The following CACNA1D variants were observed in gnomAD, a reference collection of about 807,000 sequenced individuals.
The protein encoded by CACNA1D is calcium voltage-gated channel subunit alpha1 D.
A neutral mutation model predicts 257.1 loss-of-function variants in CACNA1D; 55 were observed. The ratio of observed to expected loss-of-function variants is 0.21; its 90% CI spans 0.17 to 0.27. The LOEUF (loss-of-function observed/expected upper bound fraction) is 0.27. CACNA1D is among the 10% of genes least tolerant of loss of function. The pLI is 1.00. For synonymous variants in CACNA1D, 980 were observed against 1,014.9 expected, an observed-to-expected ratio of 0.97 and a Z score of 0.65; for missense variants, 1,876 against 2,784.0, an observed-to-expected ratio of 0.67 and a Z score of 7.34.
In CACNA1D at chr3:53,726,950, A is replaced by G. The variant is rs767446461; in HGVS notation, c.2172A>G (p.Ser724=). ...GIMAYGGPSS[S]GMIVCIYFII... ...TGGCTTACGGGGGCCCATCCTCTTCAGGAATGATCGTCTGCATCTACTTCA... is the reference window on the plus strand; with the variant it reads ...TGGCTTACGGGGGCCCATCCTCTTCGGGAATGATCGTCTGCATCTACTTCA... Residue 724 remains serine, a synonymous_variant, in exon 15 of 48, where the codon TCA becomes TCG. Transcript: ENST00000350061. 16 of 1,614,190 alleles carry G rather than the reference A, an allele frequency of 9.9e-6. No homozygotes were observed. In the South Asian group the frequency reaches 1.8e-4, roughly 18 times the overall value.
intron 9 of CACNA1D, among the ~76,000 whole-genome samples, chr3:53,707,955 A>T (rs571673013): frequency 6.6e-6 from 1 of 152,356 alleles, no homozygotes; most frequent in African/African-American, 2.4e-5. Flanking sequence ...CATACCTGAA[A>T]CTTCATCTCT....
intron 3 of CACNA1D, among the ~76,000 whole-genome samples, chr3:53,628,404 A>C (rs1487232560): frequency 6.6e-6 from 1 of 152,258 alleles, no homozygotes. Context: ...GTGTGCTTAC[A>C]TCAGTGCTGA....
intron 9 of CACNA1D, among the ~76,000 whole-genome samples, chr3:53,711,405 T>C (rs372443000): frequency 6.6e-6 from 1 of 152,234 alleles, no homozygotes; most frequent in African/African-American, 2.4e-5. Context: ...CTGGAGTAGC[T>C]GTCAGGCCCA....
chr3:53,707,089 C>T (rs887250244), intron 9 of CACNA1D, among the ~76,000 whole-genome samples: 1 of 152,056 alleles, frequency 6.6e-6, no homozygotes, highest in Admixed American at 6.6e-5. Flanking sequence ...TCTAGTTTGG[C>T]GGTGCTTGCT....
intron 22 of CACNA1D, among the ~76,000 whole-genome samples, chr3:53,743,922 C>T (rs1305849961): frequency 1.3e-5 from 2 of 152,088 alleles, no homozygotes; most frequent in African/African-American, 4.8e-5. Flanking sequence ...TCCTTCTCGC[C>T]TGCCACTGAG....
At chr3:53,735,810 C>T (rs2095051574) in intron 20 of CACNA1D, among the ~76,000 whole-genome samples, 1 of 152,330 alleles carries the variant, frequency 6.6e-6, no homozygotes, top group Admixed American at 6.5e-5. Context: ...CCTCCTTTCC[C>T]TCCCTGCTCA....
chr3:53,656,916 C>A (rs1428646523), intron 4 of CACNA1D, among the ~76,000 whole-genome samples: 1 of 152,054 alleles, frequency 6.6e-6, no homozygotes, highest in Admixed American at 6.6e-5. Context: ...CAAGTCTTAA[C>A]CAAAATATGG....
intron 40 of CACNA1D, among the ~76,000 whole-genome samples, chr3:53,795,266 A>G (rs2095502440): frequency 1.3e-5 from 2 of 152,268 alleles, no homozygotes; most frequent in Admixed American, 1.3e-4. Context: ...ATGCTGACTT[A>G]GGAATATAAG....
intron 8 of CACNA1D, among the ~76,000 whole-genome samples, chr3:53,699,961 G>A (rs543131378): frequency 1.3e-5 from 2 of 151,696 alleles, no homozygotes; most frequent in South Asian, 2.1e-4. Flanking sequence ...TGTTAAAAAG[G>A]CATAAAATAT....
chr3:53,763,724 C>T (rs1348530778), intron 30 of CACNA1D, among the ~76,000 whole-genome samples: 1 of 152,124 alleles, frequency 6.6e-6, no homozygotes, highest in Non-Finnish European at 1.5e-5. Flanking sequence ...CCCTGTATGC[C>T]ACCTATCTGG....
intron 12 of CACNA1D, 76 bp downstream of exon 12, chr3:53,722,550 C>T (rs2094892940): frequency 7.2e-7 from 1 of 1,390,994 alleles, no homozygotes; most frequent in Non-Finnish European, 1.0e-6. Context: ...TTGGTCTTAT[C>T]TGATCGCTGC....
intron 3 of CACNA1D, among the ~76,000 whole-genome samples, chr3:53,546,445 A>C (rs556388357): frequency 1.3e-5 from 2 of 152,178 alleles, no homozygotes; most frequent in Non-Finnish European, 2.9e-5. Context: ...ATTAGTGATC[A>C]GGGTTCCGAT....
chr3:53,561,982 A>G (rs1223602483), intron 3 of CACNA1D, among the ~76,000 whole-genome samples: 2 of 152,262 alleles, frequency 1.3e-5, no homozygotes, highest in Non-Finnish European at 2.9e-5. Flanking sequence ...ATTAAAAAGC[A>G]GAGGAATGAA....
intron 3 of CACNA1D, among the ~76,000 whole-genome samples, chr3:53,540,736 A>G (rs183276883): frequency 6.6e-6 from 1 of 152,202 alleles, no homozygotes; most frequent in Non-Finnish European, 1.5e-5. Context: ...TCATGGTGGC[A>G]TGATATATGT....
intron 3 of CACNA1D, among the ~76,000 whole-genome samples, chr3:53,576,844 C>G (rs1038905625): frequency 6.6e-6 from 1 of 152,208 alleles, no homozygotes; most frequent in Non-Finnish European, 1.5e-5. Context: ...ATTTGATTCA[C>G]TAAGTAGAAT....
At chr3:53,560,452 A>G (rs2092718060) in intron 3 of CACNA1D, among the ~76,000 whole-genome samples, 1 of 152,180 alleles carries the variant, frequency 6.6e-6, no homozygotes, top group African/African-American at 2.4e-5. Context: ...TGGTTTCTTG[A>G]GATCCTAGGA....
rs545969601 is a variant in CACNA1D, at chr3:53,660,746, C to T, written c.766+471C>T. ...GACTCCTGGAAACTCTGATTAGATCCTCTACTATCAGGAACTGTGCTACCC... is the reference window on the plus strand; with the variant it reads ...GACTCCTGGAAACTCTGATTAGATCTTCTACTATCAGGAACTGTGCTACCC... On this transcript the variant is annotated intron_variant, in intron 5 of 47. Coordinates refer to ENST00000350061, the MANE Select transcript of CACNA1D (RefSeq NM_001128840.3). 1.2e-3 allele frequency among the ~76,000 whole-genome samples: 180 copies of T among 152,152 alleles called. 1 individual carries two copies. Among genetic ancestry groups the T allele is most frequent in the Middle Eastern group, 3.4e-3 (1 of 294 alleles).
intron 8 of CACNA1D, among the ~76,000 whole-genome samples, chr3:53,695,204 G>A (rs1456153542): frequency 2.6e-5 from 4 of 152,166 alleles, no homozygotes; most frequent in East Asian, 1.9e-4. Flanking sequence ...GGCTGGAGTC[G>A]CAGCAGCAGC....
intron 7 of CACNA1D, 88 bp downstream of exon 7, chr3:53,666,623 A>T: frequency 1.9e-6 from 2 of 1,073,916 alleles, no homozygotes; most frequent in East Asian, 2.4e-5. Context: ...AGGTGGCTGG[A>T]AAAGAAACCC....
Sources: gnomAD v4.1 joint callset for allele counts (sites outside exome capture counted in the v4.1 genomes callset) on GRCh38, gnomAD v4.1.1 for gene constraint, MANE v1.5 for transcripts, NCBI Gene and HGNC (gene_info 2026-07-23, HGNC 2026-07-21) for gene names.